The following CYP2C18 variants were observed in gnomAD, a reference collection of about 807,000 sequenced individuals.
CYP2C18 encodes the protein cytochrome P450 family 2 subfamily C member 18.
CYP2C18 carries 38 observed loss-of-function variants against 41.3 expected under a neutral mutation model. The observed-to-expected ratio is 0.92, with a 90% CI of 0.71 to 1.21. The LOEUF (loss-of-function observed/expected upper bound fraction) is 1.21, where lower values mean the gene tolerates loss of function less well. CYP2C18 is among the 50% of genes most tolerant of loss of function. The pLI is 0.00. For synonymous variants in CYP2C18, 236 were observed against 210.0 expected (o/e 1.12, Z -1.07); for missense variants, 635 against 591.4 (o/e 1.07, Z -0.77).
intron 4 of CYP2C18, among the ~76,000 whole-genome samples, chr10:94,700,532 C>G (rs1327392429): frequency 2.0e-5 from 3 of 152,134 alleles, no homozygotes; most frequent in Non-Finnish European, 4.4e-5. Flanking sequence ...TAGAAGAAAA[C>G]CTAGGCAATA....
chr10:94,719,473 G>T (rs1449866654), intron 5 of CYP2C18, among the ~76,000 whole-genome samples: 1 of 151,724 alleles, frequency 6.6e-6, no homozygotes, highest in Non-Finnish European at 1.5e-5. Flanking sequence ...GCATGAACAT[G>T]CTTCACTGCA....
intron 5 of CYP2C18, among the ~76,000 whole-genome samples, chr10:94,719,132 T>A (rs1302043196): frequency 6.6e-6 from 1 of 152,172 alleles, no homozygotes; most frequent in African/African-American, 2.4e-5. Flanking sequence ...TTCTGCAATG[T>A]CCCTATTGTG....
chr10:94,687,451 C>T (rs1846907975), intron 1 of CYP2C18, among the ~76,000 whole-genome samples: 1 of 152,166 alleles, frequency 6.6e-6, no homozygotes, highest in Non-Finnish European at 1.5e-5. Flanking sequence ...TTCTGTTTAT[C>T]AGCTGTGGGA....
At chr10:94,719,167 T>G (rs1403715108) in intron 5 of CYP2C18, among the ~76,000 whole-genome samples, 1 of 152,164 alleles carries the variant, frequency 6.6e-6, no homozygotes, top group Non-Finnish European at 1.5e-5. Flanking sequence ...AAACCCTTGA[T>G]TCTTGCTTAT....
intron 5 of CYP2C18, among the ~76,000 whole-genome samples, chr10:94,712,438 G>A (rs989740517): frequency 4.0e-5 from 6 of 151,300 alleles, no homozygotes; most frequent in Non-Finnish European, 8.8e-5. Context: ...AGAATATATA[G>A]TATTTGTTTT....
At chr10:94,714,874 T>C (rs1847511656) in intron 5 of CYP2C18, among the ~76,000 whole-genome samples, 2 of 152,240 alleles carry the variant, frequency 1.3e-5, no homozygotes, top group Admixed American at 6.5e-5. Flanking sequence ...TTTGTAGTTC[T>C]TCTTGAAGAG....
chr10:94,717,620 G>A (rs919440516), intron 5 of CYP2C18, among the ~76,000 whole-genome samples: 1 of 152,056 alleles, frequency 6.6e-6, no homozygotes, highest in Non-Finnish European at 1.5e-5. Flanking sequence ...TTTAATCCAT[G>A]TTGAGTTGCT....
intron 1 of CYP2C18, among the ~76,000 whole-genome samples, chr10:94,686,865 G>A (rs563092434): frequency 6.6e-6 from 1 of 152,244 alleles, no homozygotes; most frequent in East Asian, 1.9e-4. Context: ...TTGCCTGAAG[G>A]AAAATGGTAG....
chr10:94,720,867 G>A (rs576998395), intron 6 of CYP2C18, among the ~76,000 whole-genome samples: 1 of 152,260 alleles, frequency 6.6e-6, no homozygotes, highest in African/African-American at 2.4e-5. Flanking sequence ...GCCTAGGATT[G>A]TATGTTGGTT....
chr10:94,718,904 A>G (rs770021176), intron 5 of CYP2C18, among the ~76,000 whole-genome samples: 1 of 152,108 alleles, frequency 6.6e-6, no homozygotes, highest in Non-Finnish European at 1.5e-5. Context: ...CACAGGGAGA[A>G]GCTGGATGTT....
chr10:94,695,498 G>C (rs566794732), intron 4 of CYP2C18, among the ~76,000 whole-genome samples: 1 of 152,106 alleles, frequency 6.6e-6, no homozygotes, highest in African/African-American at 2.4e-5. Flanking sequence ...TGTCTGTAAA[G>C]GATTTTATTT....
chr10:94,696,172 A>G (rs895262314), intron 4 of CYP2C18, among the ~76,000 whole-genome samples: 5 of 152,212 alleles, frequency 3.3e-5, no homozygotes, highest in African/African-American at 1.2e-4. Flanking sequence ...CTGAGAACGG[A>G]CAGACTGCGT....
At chr10:94,696,867 A>G (rs1847127493) in intron 4 of CYP2C18, among the ~76,000 whole-genome samples, 1 of 152,220 alleles carries the variant, frequency 6.6e-6, no homozygotes, top group Admixed American at 6.5e-5. Flanking sequence ...ATCAACTGGA[A>G]GAAAGGGTAT....
chr10:94,727,653 C>T (rs1847765157), intron 7 of CYP2C18, among the ~76,000 whole-genome samples: 1 of 151,682 alleles, frequency 6.6e-6, no homozygotes, highest in African/African-American at 2.4e-5. Context: ...AAAGAAATAT[C>T]ATGTATTCAA....
chr10:94,734,749 G>T (rs866943723), intron 8 of CYP2C18, among the ~76,000 whole-genome samples: 20 of 152,248 alleles, frequency 1.3e-4, no homozygotes, highest in African/African-American at 4.6e-4. Flanking sequence ...GAAGAGTCAG[G>T]TCAAGCCATT....
At chr10:94,711,341 T>A (rs887803043) in intron 5 of CYP2C18, among the ~76,000 whole-genome samples, 76 of 152,186 alleles carry the variant, frequency 5.0e-4, no homozygotes, top group African/African-American at 1.5e-3. Flanking sequence ...ATCTTGGATA[T>A]GTTACCATGT....
At chr10:94,712,030 T>TTTTTTTTTTTTTTTTTGG (rs1847446565) in intron 5 of CYP2C18, among the ~76,000 whole-genome samples, 1 of 98,432 alleles carries the variant, frequency 1.0e-5, no homozygotes, top group South Asian at 3.8e-4. Flanking sequence ...TTTTTTTTTG[T>TTTTTTTTTTTTTTTTTGG]AGAGATAGGG....
At chr10:94,715,356 C>T (rs551593693) in intron 5 of CYP2C18, among the ~76,000 whole-genome samples, 212 of 152,274 alleles carry the variant, frequency 1.4e-3, no homozygotes, top group Non-Finnish European at 2.7e-3. Context: ...TGTGTCCCAT[C>T]AATACCGAAT....
chr10:94,701,870 TAG>T (rs1451266909), intron 4 of CYP2C18, among the ~76,000 whole-genome samples: 1 of 152,138 alleles, frequency 6.6e-6, no homozygotes, highest in African/African-American at 2.4e-5. Context: ...GCCTATAGCT[TAG>T]AGAGTGTCTT....
Sources: gnomAD v4.1 joint callset for allele counts (sites outside exome capture counted in the v4.1 genomes callset) on GRCh38, gnomAD v4.1.1 for gene constraint, MANE v1.5 for transcripts, NCBI Gene and HGNC (gene_info 2026-07-23, HGNC 2026-07-21) for gene names.